The following KAZN variants were observed in gnomAD, a reference collection of about 807,000 sequenced individuals.
KAZN encodes kazrin, periplakin interacting protein, also known as kazrin.
KAZN carries 40 observed loss-of-function variants against 87.4 expected under a neutral mutation model. That is an observed-to-expected ratio of 0.46 (90% CI 0.36 to 0.60). KAZN has a LOEUF of 0.60. Among genes scored for constraint, KAZN ranks in the 20% least tolerant of loss-of-function variants. KAZN has a pLI of 0.00. For synonymous variants in KAZN, 466 were observed against 458.3 expected, an observed-to-expected ratio of 1.02 and a Z score of -0.22; for missense variants, 898 against 1,073.9, an observed-to-expected ratio of 0.84 and a Z score of 2.29.
In KAZN at chr1:14,132,829, C is replaced by T. The variant is rs936015774; in HGVS notation, c.92-47606C>T. Among the ~76,000 whole-genome samples the T allele has an allele frequency of 4.6e-5, 7 of 152,256 alleles. No homozygotes were observed. The South Asian group carries it at 6.2e-4, about 14-fold the overall frequency. On this transcript the variant is annotated intron_variant, in intron 1 of 16. Transcript: ENST00000636203. ...CTCTAATCCAGTATGGGTTAGAGAACCCATGCTTGGGTTCTGTAACTATTG... is the reference window on the plus strand; with the variant it reads ...CTCTAATCCAGTATGGGTTAGAGAATCCATGCTTGGGTTCTGTAACTATTG...
intron 6 of KAZN, chr1:15,062,841 C>G (rs1638907562): frequency 6.6e-6 from 1 of 152,208 alleles, no homozygotes; most frequent in South Asian, 2.1e-4. Context: ...GTCCTACCTG[C>G]CCATCCTAGG....
chr1:14,728,069 T>C (rs1643490717), intron 1 of KAZN, among the ~76,000 whole-genome samples: 1 of 151,708 alleles, frequency 6.6e-6, no homozygotes, highest in African/African-American at 2.4e-5. Context: ...GCGGATCATC[T>C]GAGGTCAGGA....
intron 8 of KAZN, among the ~76,000 whole-genome samples, chr1:15,078,605 A>G (rs1012223357): frequency 6.6e-5 from 10 of 152,176 alleles, no homozygotes; most frequent in African/African-American, 2.4e-4. Context: ...ATTAAAGGTC[A>G]CCTACAAAGG....
chr1:14,352,072 A>G (rs1658590662), intron 2 of KAZN, among the ~76,000 whole-genome samples: 1 of 152,234 alleles, frequency 6.6e-6, no homozygotes. Flanking sequence ...TATTGCAGTT[A>G]TCTCTTGTAA....
intron 2 of KAZN, among the ~76,000 whole-genome samples, chr1:14,459,521 A>G (rs373393610): frequency 6.7e-4 from 102 of 152,316 alleles, no homozygotes; most frequent in African/African-American, 2.3e-3. Context: ...GTTGCAATCA[A>G]TTGGTATTGG....
intron 2 of KAZN, among the ~76,000 whole-genome samples, chr1:14,563,874 C>CTTTTTTTTTTTTTTTTTT (rs540880203): frequency 0.1 from 9,756 of 97,228 alleles, 2,589 homozygotes; most frequent in East Asian, 0.18. Context: ...GTTCAAACTC[C>CTTTTTTTTTTTTTTTTTT]TTTTTTTTTT....
chr1:14,049,233 G>T lies in KAZN; in HGVS notation c.92-131202G>T, dbSNP rs866855334. 3.3e-5 allele frequency among the ~76,000 whole-genome samples: 5 copies of T among 151,664 alleles called. No individual in the cohort carries two copies. In the South Asian group the frequency reaches 1.0e-3, roughly 32 times the overall value. On this transcript the variant is annotated intron_variant, in intron 1 of 16. Coordinates refer to the KAZN transcript ENST00000636203. ...TGCAAGGACAAAAAAACCAAACACC[G>T]CATGTTCTCACTCATAGGTGGGAAT... is the stretch of plus-strand genomic sequence containing the variant.
At chr1:14,017,989 C>G (rs756124238) in intron 1 of KAZN, among the ~76,000 whole-genome samples, 2 of 152,128 alleles carry the variant, frequency 1.3e-5, no homozygotes, top group Non-Finnish European at 2.9e-5. Flanking sequence ...AGGCACTGAT[C>G]AAAATGCTTT....
chr1:14,988,281 C>T (rs1187346565), intron 2 of KAZN, among the ~76,000 whole-genome samples: 1 of 152,240 alleles, frequency 6.6e-6, no homozygotes, highest in Non-Finnish European at 1.5e-5. Flanking sequence ...TTCCTCCTCC[C>T]GGGGCTTCCT....
At chr1:14,962,167 G>C (rs554432511) in intron 2 of KAZN, among the ~76,000 whole-genome samples, 2 of 152,374 alleles carry the variant, frequency 1.3e-5, no homozygotes, top group Admixed American at 6.5e-5. Flanking sequence ...GGCCAAGAAG[G>C]CTATCTGTCC....
At chr1:14,963,288 A>G (rs773338187) in intron 2 of KAZN, among the ~76,000 whole-genome samples, 1 of 152,232 alleles carries the variant, frequency 6.6e-6, no homozygotes, top group Non-Finnish European at 1.5e-5. Flanking sequence ...ACACTCTTCT[A>G]AGTACGTGAC....
At chr1:14,118,963 A>G (rs1350820360) in intron 1 of KAZN, among the ~76,000 whole-genome samples, 1 of 152,152 alleles carries the variant, frequency 6.6e-6, no homozygotes, top group East Asian at 1.9e-4. Flanking sequence ...GTTGTTCCAG[A>G]TTTGCCAGGA....
chr1:14,432,437 A>G (rs886165781), intron 2 of KAZN, among the ~76,000 whole-genome samples: 2 of 152,218 alleles, frequency 1.3e-5, no homozygotes, highest in Non-Finnish European at 2.9e-5. Context: ...TGCTCCAAGC[A>G]ACACTGGCAC....
At chr1:13,932,412 C>CA (rs1381904214) in intron 1 of KAZN, among the ~76,000 whole-genome samples, 1 of 151,736 alleles carries the variant, frequency 6.6e-6, no homozygotes, top group African/African-American at 2.4e-5. Context: ...AGGCGCCCGC[C>CA]ACTACGCCCG....
intron 2 of KAZN, among the ~76,000 whole-genome samples, chr1:14,582,533 G>A (rs116406374): frequency 0.013 from 2,012 of 152,242 alleles, 13 homozygotes; most frequent in Middle Eastern, 0.027. Context: ...GTGGTTCTCA[G>A]ACAACAGGAT....
intron 1 of KAZN, among the ~76,000 whole-genome samples, chr1:14,119,013 C>A (rs1209300452): frequency 6.8e-6 from 1 of 146,014 alleles, no homozygotes; most frequent in African/African-American, 2.6e-5. Flanking sequence ...CCTTAGAAAG[C>A]CTGTCATTGC....
chr1:14,889,208 T>A (rs542426283), intron 1 of KAZN, among the ~76,000 whole-genome samples: 77 of 152,280 alleles, frequency 5.1e-4, no homozygotes, highest in Middle Eastern at 3.4e-3. Flanking sequence ...CAAGCCCACA[T>A]CTGCCATTGA....
At chr1:14,185,136 T>C (rs922413429) in intron 2 of KAZN, among the ~76,000 whole-genome samples, 56 of 152,332 alleles carry the variant, frequency 3.7e-4, no homozygotes, top group African/African-American at 1.3e-3. Flanking sequence ...AGATGCTGGC[T>C]GCGGCTATGG....
At chr1:15,052,152 T>C (rs1176460794) in intron 4 of KAZN, among the ~76,000 whole-genome samples, 2 of 150,426 alleles carry the variant, frequency 1.3e-5, no homozygotes, top group African/African-American at 4.8e-5. Flanking sequence ...CGTGTGTGTA[T>C]GTGTGTGTGT....
Sources: gnomAD v4.1 joint callset for allele counts (sites outside exome capture counted in the v4.1 genomes callset) on GRCh38, gnomAD v4.1.1 for gene constraint, MANE v1.5 for transcripts, NCBI Gene and HGNC (gene_info 2026-07-23, HGNC 2026-07-21) for gene names.